The following AK3 variants were observed in gnomAD, a reference collection of about 807,000 sequenced individuals.
AK3 encodes adenylate kinase 3, also known as GTP:AMP phosphotransferase AK3, mitochondrial.
In AK3, 27 loss-of-function variants were observed where a neutral mutation model predicts 23.7. The ratio of observed to expected loss-of-function variants is 1.14; its 90% CI spans 0.84 to 1.57. The LOEUF (loss-of-function observed/expected upper bound fraction) is 1.57, where lower values mean the gene tolerates loss of function less well. Among genes scored for constraint, AK3 ranks in the 40% most tolerant of loss-of-function variants. AK3 has a pLI of 0.00. For synonymous variants in AK3, 159 were observed against 116.0 expected (o/e 1.37, Z -2.38); for missense variants, 406 against 285.6 (o/e 1.42, Z -3.04).
At chr9:4,733,993 G>C (rs944989767) in intron 1 of AK3, among the ~76,000 whole-genome samples, 3 of 152,158 alleles carry the variant, frequency 2.0e-5, no homozygotes, top group Non-Finnish European at 4.4e-5. Flanking sequence ...TCCAATGACC[G>C]TGTTTACATG....
chr9:4,724,863 C>T (rs572109616), intron 1 of AK3, among the ~76,000 whole-genome samples: 1 of 151,620 alleles, frequency 6.6e-6, no homozygotes, highest in Non-Finnish European at 1.5e-5. Flanking sequence ...AATAGGATGC[C>T]AAAATAAATG....
intron 2 of AK3, among the ~76,000 whole-genome samples, chr9:4,720,491 C>CTT: frequency 6.6e-6 from 1 of 152,192 alleles, no homozygotes; most frequent in East Asian, 1.9e-4. Flanking sequence ...TGAGACCAGC[C>CTT]TGGGCAACAT....
chr9:4,713,455 T>G (rs1841616628), intron 4 of AK3, among the ~76,000 whole-genome samples: 1 of 152,198 alleles, frequency 6.6e-6, no homozygotes, highest in South Asian at 2.1e-4. Flanking sequence ...ATCATCCCTT[T>G]GTAATGTAAC....
chr9:4,726,455 G>A (rs956720235), intron 1 of AK3, among the ~76,000 whole-genome samples: 3 of 152,132 alleles, frequency 2.0e-5, no homozygotes, highest in African/African-American at 7.2e-5. Flanking sequence ...AATGCTCACA[G>A]CATCTTCACC....
rs568962895 is a variant in AK3 at position 4,710,436 on chromosome 9, G to T, written c.*2540C>A. 1.3e-5 allele frequency: 2 copies of T among 148,686 alleles called. No individual in the cohort carries two copies. Among genetic ancestry groups the T allele is most frequent in the East Asian group, 3.9e-4 (2 of 5,146 alleles). The allele number at this position is 148,686 out of a possible 1,614,324, so 9.2% of individuals were successfully genotyped here. ...GGGTTTCACCGTGTTAGCCAGGATG[G>T]TCTCGATCTCCTGACCTCGTGATCC... On this transcript the variant is annotated 3_prime_UTR_variant, in exon 5 of 5. Transcript: ENST00000381809.
At chr9:4,723,838 C>T (rs990558766) in intron 1 of AK3, among the ~76,000 whole-genome samples, 3 of 152,128 alleles carry the variant, frequency 2.0e-5, no homozygotes, top group African/African-American at 7.2e-5. Context: ...TGTTCTTTTG[C>T]TTTTATTTTA....
intron 3 of AK3, 151 bp downstream of exon 3, chr9:4,718,984 G>T: frequency 1.2e-6 from 1 of 838,170 alleles, no homozygotes; most frequent in Non-Finnish European, 1.8e-6. Context: ...CAAGCTCAGT[G>T]GACTTGATCA....
chr9:4,714,220 T>A lies in AK3; in HGVS notation c.564-1124A>T, dbSNP rs114971132. Among the ~76,000 whole-genome samples the A allele has an allele frequency of 2.6e-3, 60 of 22,794 alleles. 9 individuals are homozygous for A. The highest frequency in any genetic ancestry group is 8.3e-3 in the African/African-American group (56 of 6,784). The allele number at this position is 22,794 out of a possible 152,430, so 15.0% of individuals were successfully genotyped here. Reference sequence around the variant, plus strand: ...CCTCCACATATACACCTCCACACATTCGCCTCCACACATACACACTGGTGT... The same window carrying A: ...CCTCCACATATACACCTCCACACATACGCCTCCACACATACACACTGGTGT... On this transcript the variant is annotated intron_variant, in intron 4 of 4. Coordinates refer to ENST00000381809, the MANE Select transcript of AK3 (RefSeq NM_016282.4).
intron 1 of AK3, among the ~76,000 whole-genome samples, chr9:4,737,146 T>G (rs1842315244): frequency 6.6e-6 from 1 of 151,890 alleles, no homozygotes; most frequent in African/African-American, 2.4e-5. Flanking sequence ...AGTTCTTTAC[T>G]ATATAGTTTT....
At chr9:4,719,349 G>T (rs1456400440) in intron 2 of AK3, 42 bp from the exon 3 acceptor site, 2 of 283,630 alleles carry the variant, frequency 7.1e-6, no homozygotes, top group Non-Finnish European at 7.1e-6. Context: ...AAAAAGAAAG[G>T]AAGTATGGGG....
Position 4,741,134 on chromosome 9 carries a change from T to C in AK3, c.-47A>G. 1 of 1,395,800 alleles carries C rather than the reference T, an allele frequency of 7.2e-7. No homozygotes were observed. Among genetic ancestry groups the C allele is most frequent in the Non-Finnish European group, 9.3e-7 (1 of 1,074,860 alleles). The allele number at this position is 1,395,800 out of a possible 1,614,324, so 86.5% of individuals were successfully genotyped here. A position where few individuals can be genotyped will look rare whatever the true frequency, so the allele number is the denominator to read the frequency against. On this transcript the variant is annotated 5_prime_UTR_variant, in exon 1 of 5. Transcript: ENST00000381809. Reference sequence around the variant, plus strand: ...CCGCGCGGGTACCAGGGCTTTGGCCTGGCCTGCGCGCTCACCCGCTCGGCA... The same window carrying C: ...CCGCGCGGGTACCAGGGCTTTGGCCCGGCCTGCGCGCTCACCCGCTCGGCA...
chr9:4,713,903 C>CACATAT (rs2130867795), intron 4 of AK3, among the ~76,000 whole-genome samples: 2 of 290 alleles, frequency 6.9e-3, no homozygotes. Flanking sequence ...CGTACACCTA[C>CACATAT]GCCTACACAT....
chr9:4,711,722 G>A lies in AK3; in HGVS notation c.*1254C>T, dbSNP rs989278633. 6.6e-5 allele frequency: 10 copies of A among 152,126 alleles called. No homozygotes were observed. The highest frequency in any genetic ancestry group is 9.7e-5 in the African/African-American group (4 of 41,400). 9.4% of individuals were successfully genotyped at this position (152,126 alleles called of 1,614,324 possible). ...CTCTCATATTTCCCCACTTCTACCAGACCACACAGTACATCAGCAACCATC... is the reference window on the plus strand; with the variant it reads ...CTCTCATATTTCCCCACTTCTACCAAACCACACAGTACATCAGCAACCATC... On this transcript the variant is annotated 3_prime_UTR_variant, in exon 5 of 5. Coordinates refer to ENST00000381809, the MANE Select transcript of AK3 (RefSeq NM_016282.4).
chr9:4,740,909 C>G, intron 1 of AK3, 28 bp downstream of exon 1: 1 of 1,502,376 alleles, frequency 6.7e-7, no homozygotes, highest in Non-Finnish European at 8.9e-7. Flanking sequence ...TGACAGCGCA[C>G]GGCCGGCCCT....
chr9:4,739,824 G>A (rs890352181), intron 1 of AK3, among the ~76,000 whole-genome samples: 1 of 152,012 alleles, frequency 6.6e-6, no homozygotes, highest in Non-Finnish European at 1.5e-5. Flanking sequence ...CCAGCTACTA[G>A]GGAGGCTGAG....
At chr9:4,739,689 T>C (rs943990263) in intron 1 of AK3, among the ~76,000 whole-genome samples, 1 of 151,936 alleles carries the variant, frequency 6.6e-6, no homozygotes, top group Non-Finnish European at 1.5e-5. Flanking sequence ...CCGAGCACTT[T>C]GGAAGGCCGA....
At chr9:4,717,874 G>A (rs989874907) in intron 4 of AK3, among the ~76,000 whole-genome samples, 4 of 152,162 alleles carry the variant, frequency 2.6e-5, no homozygotes, top group African/African-American at 9.7e-5. Flanking sequence ...TGTAAATTGC[G>A]GAACATCTGC....
chr9:4,716,293 G>T (rs1185376519), intron 4 of AK3, among the ~76,000 whole-genome samples: 1 of 152,136 alleles, frequency 6.6e-6, no homozygotes. Context: ...AGCCTGACAG[G>T]GACTGGATCT....
intron 4 of AK3, among the ~76,000 whole-genome samples, chr9:4,717,573 C>T (rs968438484): frequency 5.3e-5 from 8 of 152,178 alleles, no homozygotes; most frequent in African/African-American, 1.9e-4. Flanking sequence ...CAATCCCCAG[C>T]TTACAATTAT....
Sources: gnomAD v4.1 joint callset for allele counts (sites outside exome capture counted in the v4.1 genomes callset) on GRCh38, gnomAD v4.1.1 for gene constraint, MANE v1.5 for transcripts, NCBI Gene and HGNC (gene_info 2026-07-23, HGNC 2026-07-21) for gene names.